RNF152: variants seen among roughly 807,000 people sequenced by gnomAD.
The protein encoded by RNF152 is E3 ubiquitin-protein ligase RNF152.
A neutral mutation model predicts 12.7 loss-of-function variants in RNF152; 11 were observed. The observed-to-expected ratio is 0.86, with a 90% CI of 0.54 to 1.43. The LOEUF is 1.43. Ranked by LOEUF, RNF152 falls within the 40% of genes most tolerant of loss-of-function variation. RNF152 has a pLI of 0.00. For missense variants in RNF152, 255 were observed against 274.8 expected, an observed-to-expected ratio of 0.93 and a Z score of 0.51; for synonymous variants, 113 against 120.3, an observed-to-expected ratio of 0.94 and a Z score of 0.40.
At chr18:61,834,832 A>T (rs2042038781) in intron 1 of RNF152, among the ~76,000 whole-genome samples, 2 of 152,206 alleles carry the variant, frequency 1.3e-5, no homozygotes, top group Non-Finnish European at 2.9e-5. Flanking sequence ...CTAGGTAGGT[A>T]ACTAAACTTA....
At chr18:61,886,530 C>A (rs562711447) in intron 1 of RNF152, among the ~76,000 whole-genome samples, 4 of 152,300 alleles carry the variant, frequency 2.6e-5, no homozygotes, top group African/African-American at 9.6e-5. Flanking sequence ...CATGATTTTG[C>A]CCCCATTGTA....
At chr18:61,846,153 GTATTA>G (rs1360188065) in intron 1 of RNF152, among the ~76,000 whole-genome samples, 2 of 152,154 alleles carry the variant, frequency 1.3e-5, no homozygotes, top group African/African-American at 4.8e-5. Flanking sequence ...CCAGTCTATG[GTATTA>G]TATTATAGCA....
chr18:61,822,225 T>TA lies in RNF152; in HGVS notation c.-135-5628dup, dbSNP rs533985128. On this transcript the variant is annotated intron_variant, in intron 1 of 1. Transcript: ENST00000312828. ...AACAGTGGCTCGGGGAGGGCATTCT[T>TA]AAAAAATAGATGGCTCCCAAGATAG... Among the ~76,000 whole-genome samples the TA allele has an allele frequency of 5.6e-3, 847 of 152,212 alleles. 1 individual carries two copies. Among genetic ancestry groups the TA allele is most frequent in the Non-Finnish European group, 8.3e-3 (563 of 68,008 alleles).
intron 1 of RNF152, among the ~76,000 whole-genome samples, chr18:61,828,053 A>G (rs994793304): frequency 6.6e-6 from 1 of 152,234 alleles, no homozygotes; most frequent in Non-Finnish European, 1.5e-5. Flanking sequence ...TAAAATGCAC[A>G]TATGTTCAGT....
In RNF152 at chr18:61,849,813, C is replaced by T. The variant is rs150715430; in HGVS notation, c.-135-33215G>A. Among the ~76,000 whole-genome samples the T allele has an allele frequency of 1.0e-3, 156 of 152,232 alleles. 1 individual carries two copies. The highest frequency in any genetic ancestry group is 3.5e-3 in the African/African-American group (144 of 41,526). On this transcript the variant is annotated intron_variant, in intron 1 of 1. Coordinates refer to ENST00000312828, the MANE Select transcript of RNF152 (RefSeq NM_173557.3). Reference sequence around the variant, plus strand: ...AACTCCTGGCCTCAAACCATCCTCCCGCCTCAGCCTCCCAAATTGCTGGGA... The same window carrying T: ...AACTCCTGGCCTCAAACCATCCTCCTGCCTCAGCCTCCCAAATTGCTGGGA...
chr18:61,815,749 C>A lies in RNF152; in HGVS notation c.*103G>T, dbSNP rs1909033783. 2.2e-6 allele frequency: 3 copies of A among 1,348,932 alleles called. No homozygotes were observed. Among genetic ancestry groups the A allele is most frequent in the Non-Finnish European group, 3.1e-6 (3 of 966,038 alleles). 83.6% of individuals were successfully genotyped at this position (1,348,932 alleles called of 1,614,324 possible). On this transcript the variant is annotated 3_prime_UTR_variant, in exon 2 of 2. Transcript: ENST00000312828. ...AGGCAACCCAGAGGCCAGCGCTCAG[C>A]ACCAAATGGTCAGTGTTGCCCCCCA... is the stretch of plus-strand genomic sequence containing the variant.
chr18:61,886,609 A>G (rs1912710353), intron 1 of RNF152, among the ~76,000 whole-genome samples: 1 of 152,130 alleles, frequency 6.6e-6, no homozygotes, highest in Admixed American at 6.5e-5. Context: ...TGTGCCCCCA[A>G]CCCTCTCCTG....
chr18:61,893,835 G>A, upstream of RNF152: 1 of 152,296 alleles, frequency 6.6e-6, no homozygotes, highest in Non-Finnish European at 1.5e-5. Flanking sequence ...CGAGGACTCG[G>A]CCGAGCAGCC....
At chr18:61,870,865 T>C (rs1042010054) in intron 1 of RNF152, among the ~76,000 whole-genome samples, 7 of 151,996 alleles carry the variant, frequency 4.6e-5, no homozygotes, top group Non-Finnish European at 8.8e-5. Flanking sequence ...TCCTAACCCA[T>C]CACACACATT....
chr18:61,886,536 T>C (rs1459280275), intron 1 of RNF152, among the ~76,000 whole-genome samples: 4 of 152,220 alleles, frequency 2.6e-5, no homozygotes, highest in African/African-American at 4.8e-5. Context: ...TTTGCCCCCA[T>C]TGTAGGCTAA....
intron 1 of RNF152, among the ~76,000 whole-genome samples, chr18:61,842,940 A>G (rs1910518462): frequency 6.6e-6 from 1 of 152,238 alleles, no homozygotes; most frequent in Non-Finnish European, 1.5e-5. Flanking sequence ...GGGAGCTACA[A>G]GATGAGATTT....
At position 61,834,043 on chromosome 18, in the gene RNF152, C is replaced by G. The variant is rs569047675; in HGVS notation, c.-135-17445G>C. Among the ~76,000 whole-genome samples the G allele has an allele frequency of 2.0e-5, 3 of 152,336 alleles. No individual in the cohort carries two copies. In the East Asian group the frequency reaches 5.8e-4, roughly 29 times the overall value. On this transcript the variant is annotated intron_variant, in intron 1 of 1. Coordinates refer to ENST00000312828, the MANE Select transcript of RNF152 (RefSeq NM_173557.3). ...ATCAACCATCCAATGCTTTATTAAG[C>G]ACCTACTATGTACCAGACACTGGAG... is the stretch of plus-strand genomic sequence containing the variant.
chr18:61,875,501 A>G (rs1912172626), intron 1 of RNF152, among the ~76,000 whole-genome samples: 2 of 152,132 alleles, frequency 1.3e-5, no homozygotes, highest in Admixed American at 6.5e-5. Context: ...TCAGCTCTCT[A>G]GAGAGCTTCT....
intron 1 of RNF152, among the ~76,000 whole-genome samples, chr18:61,853,297 T>A (rs1055729193): frequency 1.6e-5 from 1 of 62,412 alleles, no homozygotes; most frequent in Non-Finnish European, 4.4e-5. Context: ...TTCCTTGCCC[T>A]TTTTTTTTTT....
chr18:61,822,812 C>G (rs912271892), intron 1 of RNF152, among the ~76,000 whole-genome samples: 6 of 152,196 alleles, frequency 3.9e-5, no homozygotes, highest in African/African-American at 1.4e-4. Flanking sequence ...GAAAAAAACT[C>G]AAATGCAGAG....
chr18:61,856,496 TATAA>T (rs2144705871), intron 1 of RNF152, among the ~76,000 whole-genome samples: 1 of 152,160 alleles, frequency 6.6e-6, no homozygotes, highest in South Asian at 2.1e-4. Context: ...GCAAATCCCA[TATAA>T]AGGGTCATAG....
chr18:61,849,617 AT>A (rs1353871693), intron 1 of RNF152, among the ~76,000 whole-genome samples: 1 of 152,202 alleles, frequency 6.6e-6, no homozygotes, highest in African/African-American at 2.4e-5. Context: ...TCTTAAAACT[AT>A]GGTTTTAGAT....
intron 1 of RNF152, among the ~76,000 whole-genome samples, chr18:61,825,691 A>T (rs1476591877): frequency 2.0e-5 from 3 of 152,106 alleles, no homozygotes; most frequent in African/African-American, 7.2e-5. Context: ...AGGGACTGCA[A>T]GGGCCTCCAA....
intron 1 of RNF152, among the ~76,000 whole-genome samples, chr18:61,843,023 A>T (rs1244049330): frequency 6.6e-6 from 1 of 152,220 alleles, no homozygotes; most frequent in Non-Finnish European, 1.5e-5. Context: ...ATTCACAGCA[A>T]CCTGACTCTA....
Sources: gnomAD v4.1 joint callset for allele counts (sites outside exome capture counted in the v4.1 genomes callset) on GRCh38, gnomAD v4.1.1 for gene constraint, MANE v1.5 for transcripts, NCBI Gene and HGNC (gene_info 2026-07-23, HGNC 2026-07-21) for gene names.